Variants in CD6 observed in about 807,000 individuals in gnomAD.
CD6 encodes the protein CD6 molecule.
Under a neutral mutation model 75.3 loss-of-function variants are expected in CD6, and 53 were observed. That is an observed-to-expected ratio of 0.70 (90% CI 0.56 to 0.88). The LOEUF is 0.88. Among genes scored for constraint, CD6 ranks in the 40% least tolerant of loss-of-function variants. The probability of loss-of-function intolerance (pLI) is 0.00; values close to 1 mark genes in which losing one functional copy is unlikely to be tolerated. For missense variants in CD6, 770 were observed against 897.1 expected, an observed-to-expected ratio of 0.86 and a Z score of 1.81; for synonymous variants, 359 against 381.5, an observed-to-expected ratio of 0.94 and a Z score of 0.69.
intron 1 of CD6, 120 bp downstream of exon 1, chr11:60,972,034 C>T: frequency 9.9e-7 from 1 of 1,011,856 alleles, no homozygotes; most frequent in Non-Finnish European, 1.5e-6. Context: ...GCCAAGACTA[C>T]ACTCAGGTAC....
chr11:61,018,510 G>GGAGA, intron 12 of CD6, 117 bp downstream of exon 12: 1 of 797,854 alleles, frequency 1.3e-6, no homozygotes, highest in Non-Finnish European at 2.0e-6. Context: ...AAGGGTAAAA[G>GGAGA]AAGAGAGGGA....
chr11:60,978,220 G>C (rs959081393), intron 1 of CD6, among the ~76,000 whole-genome samples: 7 of 152,226 alleles, frequency 4.6e-5, no homozygotes, highest in African/African-American at 7.2e-5. Context: ...AAGGACAAAG[G>C]GGGTGGGCAT....
In CD6 at chr11:61,013,554, G is replaced by A; in HGVS notation, c.1282G>A (p.Gly428Arg). ...FIAFILLRIK[G>R]KYALPVMVNH... Reference sequence around the variant, plus strand: ...AGCCTTCATCCTCTTGAGAATTAAAGGAAAATATGGTAAGTGCAAGGTTCT... The same window carrying A: ...AGCCTTCATCCTCTTGAGAATTAAAAGAAAATATGGTAAGTGCAAGGTTCT... Residue 428 changes from glycine (G) to arginine (R), a missense_variant, in exon 7 of 13, where the codon GGA (glycine) becomes AGA (arginine). Gly to Arg is a moderately radical substitution (Grantham distance 125). Coordinates refer to ENST00000313421, the MANE Select transcript of CD6 (RefSeq NM_006725.5). 6.2e-7 allele frequency: 1 copy of A among 1,614,108 alleles called. No homozygotes were observed.
In CD6 at chr11:61,017,476, C is replaced by G; in HGVS notation, c.1511-3C>G. 6.5e-7 allele frequency: 1 copy of G among 1,548,654 alleles called. No individual in the cohort carries two copies. The highest frequency in any genetic ancestry group is 1.2e-5 in the South Asian group (1 of 83,940). ...CCCTCCCCACCACCGCCTCTGCTTG[C>G]AGATTCCCAGCGGCATCGGGTCACA... On this transcript the variant is annotated splice_polypyrimidine_tract_variant and splice_region_variant and intron_variant, in intron 9 of 12. Coordinates refer to ENST00000313421, the MANE Select transcript of CD6 (RefSeq NM_006725.5).
At position 61,007,816 on chromosome 11, in the gene CD6, C is replaced by T; in HGVS notation, c.375C>T (p.Pro125=). The change falls in exon 3 of 13, where the codon CCC becomes CCT. Residue 125 remains proline, a synonymous_variant. Transcript: ENST00000313421. The surrounding 1 kb of genome is among the most constrained non-coding windows in gnomAD (Gnocchi z 4.2). The stretch of plus-strand genomic sequence containing the variant: ...CTAATGCCACTCTGGCCGGGGCGCC[C>T]GCCCTCCTGTGCAGCGGCGCCGAGT... ...VAANATLAGA[P]ALLCSGAEWR... 1 of 1,471,174 alleles carries T rather than the reference C, an allele frequency of 6.8e-7. No homozygotes were observed. Among genetic ancestry groups the T allele is most frequent in the Non-Finnish European group, 9.0e-7 (1 of 1,116,008 alleles). The allele number at this position is 1,471,174 out of a possible 1,614,324, so 91.1% of individuals were successfully genotyped here.
At chr11:61,000,732 A>C (rs1858540759) in intron 1 of CD6, among the ~76,000 whole-genome samples, 1 of 152,206 alleles carries the variant, frequency 6.6e-6, no homozygotes, top group Admixed American at 6.5e-5. Flanking sequence ...TGGGTGACAC[A>C]ACAGGAGTAT....
rs746863363 is a variant in CD6 at position 61,018,239 on chromosome 11, G to A, written c.1838-50G>A. 2.7e-6 allele frequency: 4 copies of A among 1,476,396 alleles called. No individual in the cohort carries two copies. The South Asian group carries it at 3.8e-5, about 14-fold the overall frequency. 91.5% of individuals were successfully genotyped at this position (1,476,396 alleles called of 1,614,324 possible). ...GTGGGCCCCCCAGCTCTGGCAACTT[G>A]AGAAGTGGCTGTGTGCTGGCAGAGG... On this transcript the variant is annotated intron_variant, in intron 11 of 12. Transcript: ENST00000313421.
At position 61,009,698 on chromosome 11, in the gene CD6, G is replaced by C; in HGVS notation, c.908G>C (p.Cys303Ser). ...TACCCATCGGAGGCCAAGGTGCTCT[G>C]CCAGTCCTTGGGCTGTGGAACTGCG... Reference protein sequence around the residue: ...EWYPSEAKVLCQSLGCGTAVE... With the variant: ...EWYPSEAKVLSQSLGCGTAVE... The change falls in exon 5 of 13, where the codon TGC (cysteine) becomes TCC (serine). Residue 303 changes from cysteine (C) to serine (S), a missense_variant. By Grantham distance (112) the Cys-to-Ser change is moderately radical. Transcript: ENST00000313421. The C allele has an allele frequency of 6.2e-7, 1 of 1,614,106 alleles. No homozygotes were observed. The highest frequency in any genetic ancestry group is 8.5e-7 in the Non-Finnish European group (1 of 1,180,034).
chr11:61,012,051 T>G (rs1859175738), intron 6 of CD6, among the ~76,000 whole-genome samples: 1 of 152,208 alleles, frequency 6.6e-6, no homozygotes, highest in Admixed American at 6.5e-5. Context: ...CCCACAGGAC[T>G]CCCTTGCTCT....
intron 5 of CD6, among the ~76,000 whole-genome samples, 168 bp from the exon 6 acceptor site, chr11:61,010,902 G>C (rs1859107730): frequency 6.6e-6 from 1 of 152,114 alleles, no homozygotes; most frequent in Admixed American, 6.5e-5. Context: ...TTACTGTGGG[G>C]GGTGGGGTAG....
chr11:60,973,367 G>A (rs575563786), intron 1 of CD6, among the ~76,000 whole-genome samples: 3 of 152,182 alleles, frequency 2.0e-5, no homozygotes, highest in East Asian at 1.9e-4. Flanking sequence ...AAGTTCCTTC[G>A]ATTCAGTCTG....
At chr11:61,011,403 C>G (rs1859147887) in intron 6 of CD6, among the ~76,000 whole-genome samples, 1 of 149,252 alleles carries the variant, frequency 6.7e-6, no homozygotes. Context: ...CTGTGAGCTG[C>G]TGGAGGGCAG....
At chr11:60,999,629 C>T (rs1347692656) in intron 1 of CD6, among the ~76,000 whole-genome samples, 1 of 151,830 alleles carries the variant, frequency 6.6e-6, no homozygotes, top group Admixed American at 6.6e-5. Context: ...TTTTTTTTGG[C>T]AAATATTTTT....
chr11:61,012,505 GGGGAGAGGAGAAAATGAAGACA>G (rs1342760261), intron 6 of CD6, among the ~76,000 whole-genome samples: 5 of 152,192 alleles, frequency 3.3e-5, no homozygotes, highest in South Asian at 2.1e-4. Context: ...AAATGAAGAC[GGGGAGAGGAGAAAATGAAGACA>G]GGGAGAGGGT....
Position 61,007,907 on chromosome 11 carries a change from G to T in CD6, c.466G>T (p.Ala156Ser). The T allele has an allele frequency of 7.5e-7, 1 of 1,341,094 alleles. No homozygotes were observed. Among genetic ancestry groups the T allele is most frequent in the Non-Finnish European group, 9.5e-7 (1 of 1,049,518 alleles). 83.1% of individuals were successfully genotyped at this position (1,341,094 alleles called of 1,614,324 possible). Residue 156 changes from alanine (A) to serine (S), a missense_variant, in exon 3 of 13, where the codon GCA becomes TCA. Coordinates refer to ENST00000313421, the MANE Select transcript of CD6 (RefSeq NM_006725.5). This position sits in a 1 kb window ranked among gnomAD's most constrained non-coding sequence, Gnocchi z 4.2. Reference protein sequence around the residue: ...SDGRRARVTCAENRALRLVDG... With the variant: ...SDGRRARVTCSENRALRLVDG... ...CGGGAGGCGGGCCCGTGTCACCTGT[G>T]CAGGTACGAGCGCACCCCCTACACG...
At position 61,008,687 on chromosome 11, in the gene CD6, T is replaced by C; in HGVS notation, c.623T>C (p.Val208Ala). 1 of 1,607,932 alleles carries C rather than the reference T, an allele frequency of 6.2e-7. No homozygotes were observed. The highest frequency in any genetic ancestry group is 8.5e-7 in the Non-Finnish European group (1 of 1,177,834). Residue 208 changes from valine to alanine, a missense_variant, in exon 4 of 13, where the codon GTC becomes GCC. Physicochemically the swap from Val to Ala is moderately conservative, Grantham distance 64 (BLOSUM62 0). Transcript: ENST00000313421. ...AGGCAACTGGGCTGCGGCTGGGCAGTCCAGGCCCTGCCCGGCTTGCACTTC... is the reference window on the plus strand; with the variant it reads ...AGGCAACTGGGCTGCGGCTGGGCAGCCCAGGCCCTGCCCGGCTTGCACTTC... Reference protein sequence around the residue: ...VCRQLGCGWAVQALPGLHFTP... With the variant: ...VCRQLGCGWAAQALPGLHFTP...
In CD6 at chr11:61,017,414, T is replaced by C. The variant is rs145591076; in HGVS notation, c.1511-65T>C. ...CCCAGGCCCCGGGAAATCCAGCCTCTTCTCCAGGCTCCTAAATGATGAGGT... is the reference window on the plus strand; with the variant it reads ...CCCAGGCCCCGGGAAATCCAGCCTCCTCTCCAGGCTCCTAAATGATGAGGT... On this transcript the variant is annotated intron_variant, in intron 9 of 12. Coordinates refer to ENST00000313421, the MANE Select transcript of CD6 (RefSeq NM_006725.5). 1.7e-5 allele frequency: 22 copies of C among 1,322,554 alleles called. No individual in the cohort carries two copies. In the East Asian group the frequency reaches 4.7e-4, roughly 28 times the overall value. The allele number at this position is 1,322,554 out of a possible 1,614,324, so 81.9% of individuals were successfully genotyped here. A position where few individuals can be genotyped will look rare whatever the true frequency, so the allele number is the denominator to read the frequency against.
chr11:60,982,187 G>C (rs1270082189), intron 1 of CD6, among the ~76,000 whole-genome samples: 1 of 148,030 alleles, frequency 6.8e-6, no homozygotes, highest in African/African-American at 2.5e-5. Flanking sequence ...GTGACGAGGG[G>C]CCTTGGGGCT....
intron 8 of CD6, chr11:61,015,458 C>G: frequency 2.3e-6 from 1 of 434,890 alleles, no homozygotes; most frequent in Non-Finnish European, 4.2e-6. Flanking sequence ...GTGGTCCCAG[C>G]TACTCGGGAG....
Sources: allele counts gnomAD v4.1 joint callset (sites outside exome capture counted in the v4.1 genomes callset), GRCh38; gene constraint gnomAD v4.1.1; non-coding constraint Gnocchi (gnomAD v3.1); transcripts MANE v1.5; gene names NCBI Gene and HGNC (gene_info 2026-07-23, HGNC 2026-07-21).